GMDS: variants seen among roughly 807,000 people sequenced by gnomAD.
The protein encoded by GMDS is GDP-mannose 4,6-dehydratase.
A neutral mutation model predicts 49.9 loss-of-function variants in GMDS; 20 were observed. The observed-to-expected ratio is 0.40, with a 90% CI of 0.28 to 0.58. GMDS has a LOEUF of 0.58. GMDS is among the 20% of genes least tolerant of loss of function. The pLI is 0.42. For missense variants in GMDS, 362 were observed against 481.4 expected, an observed-to-expected ratio of 0.75 and a Z score of 2.32; for synonymous variants, 177 against 178.6, an observed-to-expected ratio of 0.99 and a Z score of 0.07.
intron 4 of GMDS, among the ~76,000 whole-genome samples, chr6:2,058,219 G>A (rs1040657090): frequency 4.6e-5 from 7 of 151,840 alleles, no homozygotes; most frequent in South Asian, 4.2e-4. Context: ...TCAGCCAGGC[G>A]TGGTGGCATG....
At chr6:1,671,953 G>A (rs963095466) in intron 9 of GMDS, among the ~76,000 whole-genome samples, 3 of 152,074 alleles carry the variant, frequency 2.0e-5, no homozygotes, top group South Asian at 2.1e-4. Context: ...GTGAACCACC[G>A]CGCCTGGCCT....
rs552667355 is a variant in GMDS, at chr6:2,013,085, A to G, written c.346-52119T>C. Among the ~76,000 whole-genome samples the G allele has an allele frequency of 3.7e-3, 559 of 152,298 alleles. 5 individuals are homozygous for G. The highest frequency in any genetic ancestry group is 8.0e-3 in the Admixed American group (123 of 15,284). On this transcript the variant is annotated intron_variant, in intron 4 of 10. Coordinates refer to ENST00000380815, the MANE Select transcript of GMDS (RefSeq NM_001500.4). ...AAACAATTCTGGCCACAGGCCAGAAATTCAGCCTCATTTTAAAAATAGGAC... is the reference window on the plus strand; with the variant it reads ...AAACAATTCTGGCCACAGGCCAGAAGTTCAGCCTCATTTTAAAAATAGGAC...
At chr6:2,038,184 A>C (rs1769418323) in intron 4 of GMDS, among the ~76,000 whole-genome samples, 1 of 152,114 alleles carries the variant, frequency 6.6e-6, no homozygotes, top group African/African-American at 2.4e-5. Context: ...CCTGACACAA[A>C]GCTGGTTTTG....
At chr6:2,079,186 T>C (rs1581621603) in intron 4 of GMDS, among the ~76,000 whole-genome samples, 1 of 151,944 alleles carries the variant, frequency 6.6e-6, no homozygotes, top group Non-Finnish European at 1.5e-5. Context: ...AGTGTGTTTC[T>C]TGCAGGTAAT....
At chr6:1,714,207 A>G (rs1390724453) in intron 9 of GMDS, among the ~76,000 whole-genome samples, 1 of 152,076 alleles carries the variant, frequency 6.6e-6, no homozygotes, top group Admixed American at 6.6e-5. Context: ...TTTAGTACAG[A>G]CGGGATTTCA....
intron 7 of GMDS, among the ~76,000 whole-genome samples, chr6:1,785,472 T>C (rs1769278406): frequency 6.6e-6 from 1 of 152,198 alleles, no homozygotes; most frequent in African/African-American, 2.4e-5. Context: ...AGCTGGCAGC[T>C]GTACTTGTTG....
intron 7 of GMDS, among the ~76,000 whole-genome samples, chr6:1,829,016 G>A (rs890349513): frequency 2.0e-5 from 3 of 152,146 alleles, no homozygotes; most frequent in Non-Finnish European, 2.9e-5. Context: ...AATGAAGAAA[G>A]CTACGGGAAA....
Position 1,624,438 on chromosome 6 carries a change from G to A in GMDS, c.1056+34C>T, listed in dbSNP as rs371984133. On this transcript the variant is annotated intron_variant, in intron 10 of 10. Coordinates refer to ENST00000380815, the MANE Select transcript of GMDS (RefSeq NM_001500.4). ...CTGCCGCCCTGCAGCCCGGGGCCCC[G>A]CAGCGGGCGGCGTGCGCCCTAAGAG... 4.7e-4 allele frequency: 737 copies of A among 1,583,958 alleles called. 3 individuals carry two copies. The highest frequency in any genetic ancestry group is 6.1e-4 in the Non-Finnish European group (703 of 1,154,458).
chr6:1,943,668 C>T (rs1762923489), intron 6 of GMDS, among the ~76,000 whole-genome samples: 1 of 152,176 alleles, frequency 6.6e-6, no homozygotes, highest in South Asian at 2.1e-4. Context: ...TTTTCAAGGA[C>T]TTGCATACTA....
intron 7 of GMDS, among the ~76,000 whole-genome samples, chr6:1,816,524 G>T (rs1770678472): frequency 6.6e-6 from 1 of 152,106 alleles, no homozygotes; most frequent in African/African-American, 2.4e-5. Flanking sequence ...CTAAAATACG[G>T]ATATTATCCA....
chr6:1,864,714 GCCT>G (rs1457107146), intron 7 of GMDS, among the ~76,000 whole-genome samples: 1 of 152,046 alleles, frequency 6.6e-6, no homozygotes, highest in Non-Finnish European at 1.5e-5. Context: ...TCAGTGCACC[GCCT>G]CACTGCCTAT....
chr6:1,657,924 T>A (rs1763940511), intron 9 of GMDS, among the ~76,000 whole-genome samples: 2 of 151,808 alleles, frequency 1.3e-5, no homozygotes, highest in Admixed American at 1.3e-4. Flanking sequence ...CTCCCCTTTT[T>A]AAAGTGAAGT....
At chr6:1,728,371 T>C (rs1343351210) in intron 8 of GMDS, among the ~76,000 whole-genome samples, 1 of 152,212 alleles carries the variant, frequency 6.6e-6, no homozygotes, top group Non-Finnish European at 1.5e-5. Flanking sequence ...CACATTTCGT[T>C]CTTCGCAAAG....
At chr6:1,625,070 G>A (rs1192849737) in intron 9 of GMDS, 2 of 151,962 alleles carry the variant, frequency 1.3e-5, no homozygotes, top group African/African-American at 2.4e-5. Context: ...TGGGGCGCGA[G>A]GCCCCAGGAC....
At chr6:1,698,655 T>G (rs564229982) in intron 9 of GMDS, among the ~76,000 whole-genome samples, 10 of 152,164 alleles carry the variant, frequency 6.6e-5, no homozygotes, top group African/African-American at 2.2e-4. Context: ...CTTCTCAGAG[T>G]GCAGCACAGC....
rs1045220952 is a variant in GMDS at position 1,778,482 on chromosome 6, G to C, written c.772-35896C>G. On this transcript the variant is annotated intron_variant, in intron 7 of 10. Coordinates refer to ENST00000380815, the MANE Select transcript of GMDS (RefSeq NM_001500.4). This position sits in a 1 kb window ranked among gnomAD's most constrained non-coding sequence, Gnocchi z 4.6. Reference sequence around the variant, plus strand: ...AGGAACTGTGGAATTCAAGAGGAGGGGGCAGCCTTCCTGACCTGGAACTTA... The same window carrying C: ...AGGAACTGTGGAATTCAAGAGGAGGCGGCAGCCTTCCTGACCTGGAACTTA... Among the ~76,000 whole-genome samples the C allele has an allele frequency of 3.9e-5, 6 of 152,116 alleles. No homozygotes were observed. Among genetic ancestry groups the C allele is most frequent in the African/African-American group, 1.2e-4 (5 of 41,398 alleles).
Position 1,742,572 on chromosome 6 carries a change from C to A in GMDS, c.786G>T (p.Met262Ile). Residue 262 changes from methionine to isoleucine, a missense_variant, in exon 8 of 11, where the codon ATG (methionine) becomes ATT (isoleucine). Met to Ile is a conservative substitution (Grantham distance 10, BLOSUM62 1). Transcript: ENST00000380815. ...AKDYVEAMWL[M>I]LQNDEPEDFV... The stretch of plus-strand genomic sequence containing the variant: ...AGTCCTCCGGCTCATCATTCTGCAA[C>A]ATCAACCACATAGCCTAGAGGGAAA... 2 of 1,586,532 alleles carry A rather than the reference C, an allele frequency of 1.3e-6. No individual in the cohort carries two copies. The highest frequency in any genetic ancestry group is 1.7e-6 in the Non-Finnish European group (2 of 1,155,146).
At position 2,191,380 on chromosome 6, in the gene GMDS, G is replaced by A. The variant is rs1029664635; in HGVS notation, c.102+53941C>T. On this transcript the variant is annotated intron_variant, in intron 1 of 10. Coordinates refer to ENST00000380815, the MANE Select transcript of GMDS (RefSeq NM_001500.4). This position sits in a 1 kb window ranked among gnomAD's most constrained non-coding sequence, Gnocchi z 4.6. ...AGCAAGGACCTAGAGCCCCCAGGCT[G>A]CAAGGGGGCACAGCTGGGACTTCCC... Among the ~76,000 whole-genome samples, 37 of 152,180 alleles carry A rather than the reference G, an allele frequency of 2.4e-4. 1 individual carries two copies. The highest frequency in any genetic ancestry group is 8.8e-5 in the Non-Finnish European group (6 of 68,002).
At chr6:2,221,193 T>C (rs560216746) in intron 1 of GMDS, among the ~76,000 whole-genome samples, 13 of 152,190 alleles carry the variant, frequency 8.5e-5, no homozygotes, top group Non-Finnish European at 8.8e-5. Flanking sequence ...CTCAAACAAA[T>C]AAACAAAAAA....
Sources: gnomAD v4.1 joint callset for allele counts (sites outside exome capture counted in the v4.1 genomes callset) on GRCh38, gnomAD v4.1.1 for gene constraint, Gnocchi (gnomAD v3.1) non-coding constraint, MANE v1.5 for transcripts, NCBI Gene and HGNC (gene_info 2026-07-23, HGNC 2026-07-21) for gene names.